IL1RAPL1: variants seen among roughly 807,000 people sequenced by gnomAD.
IL1RAPL1 encodes interleukin 1 receptor accessory protein like 1.
A neutral mutation model predicts 48.4 loss-of-function variants in IL1RAPL1; 3 were observed. That is an observed-to-expected ratio of 0.06 (90% confidence interval 0.03 to 0.16). The LOEUF is 0.16. Ranked by LOEUF, IL1RAPL1 falls within the 10% of genes least tolerant of loss-of-function variation. The pLI is 1.00. For synonymous variants in IL1RAPL1, 185 were observed against 187.7 expected (o/e 0.99, Z 0.12); for missense variants, 349 against 530.6 (o/e 0.66, Z 3.36).
chrX:29,122,674 A>T (rs1045576034), intron 2 of IL1RAPL1, among the ~76,000 whole-genome samples: 1 of 111,325 alleles, frequency 9.0e-6, no homozygotes, highest in Admixed American at 9.7e-5. Flanking sequence ...TAGCAGCGGA[A>T]GGATTAAAAT....
intron 1 of IL1RAPL1, among the ~76,000 whole-genome samples, chrX:28,658,140 T>C (rs775072324): frequency 1.8e-5 from 2 of 112,552 alleles, no homozygotes; most frequent in Non-Finnish European, 3.7e-5. Flanking sequence ...TAACACTTAA[T>C]AGATGCTCCA....
At chrX:28,623,783 G>T (rs1387707858) in intron 1 of IL1RAPL1, among the ~76,000 whole-genome samples, 1 of 111,006 alleles carries the variant, frequency 9.0e-6, no homozygotes, top group Non-Finnish European at 1.9e-5. Flanking sequence ...CTATTTCATT[G>T]TCATGGATTG....
At chrX:29,168,041 A>G (rs1929820600) in intron 2 of IL1RAPL1, among the ~76,000 whole-genome samples, 1 of 110,548 alleles carries the variant, frequency 9.0e-6, no homozygotes, top group African/African-American at 3.3e-5. Context: ...AAAGTTTTCT[A>G]CTTTTACATT....
chrX:29,634,399 C>T (rs1924898626), intron 5 of IL1RAPL1, among the ~76,000 whole-genome samples: 1 of 111,551 alleles, frequency 9.0e-6, no homozygotes, highest in Non-Finnish European at 1.9e-5. Flanking sequence ...GTCAAAGTGG[C>T]TCTGGACTAG....
intron 6 of IL1RAPL1, among the ~76,000 whole-genome samples, chrX:29,880,911 T>C (rs1293475602): frequency 8.9e-6 from 1 of 111,838 alleles, no homozygotes; most frequent in Non-Finnish European, 1.9e-5. Context: ...TTATGAATCA[T>C]GATCACAAAC....
chrX:29,743,628 G>T (rs753069798), intron 6 of IL1RAPL1, among the ~76,000 whole-genome samples: 16 of 111,127 alleles, frequency 1.4e-4, no homozygotes, highest in African/African-American at 5.2e-4. Flanking sequence ...GGGATTACAG[G>T]CACACACCAC....
At chrX:28,709,204 T>C (rs2146933988) in intron 1 of IL1RAPL1, among the ~76,000 whole-genome samples, 1 of 112,487 alleles carries the variant, frequency 8.9e-6, no homozygotes, top group African/African-American at 3.2e-5. Flanking sequence ...GTGAGGGTAA[T>C]TGATGATATC....
At chrX:29,655,999 A>G (rs1161631411) in intron 5 of IL1RAPL1, among the ~76,000 whole-genome samples, 1 of 112,462 alleles carries the variant, frequency 8.9e-6, no homozygotes, top group Admixed American at 9.4e-5. Flanking sequence ...AGCCAACAAC[A>G]CATCTACTTA....
At chrX:29,286,638 A>G (rs1932287237) in intron 3 of IL1RAPL1, among the ~76,000 whole-genome samples, 1 of 112,124 alleles carries the variant, frequency 8.9e-6, no homozygotes, top group South Asian at 3.7e-4. Context: ...GCAGTGAGCT[A>G]TGATCACACC....
chrX:29,947,053 T>C (rs925832102), intron 9 of IL1RAPL1, among the ~76,000 whole-genome samples: 6 of 112,000 alleles, frequency 5.4e-5, no homozygotes, highest in South Asian at 3.8e-4. Flanking sequence ...ATAGTTTAAG[T>C]GCTTGTAGTG....
intron 2 of IL1RAPL1, among the ~76,000 whole-genome samples, chrX:29,263,501 CTACAATA>C (rs1390374948): frequency 8.9e-6 from 1 of 111,966 alleles, no homozygotes; most frequent in Non-Finnish European, 1.9e-5. Flanking sequence ...TTGATTACTC[CTACAATA>C]TTTGCCTGCT....
intron 3 of IL1RAPL1, among the ~76,000 whole-genome samples, chrX:29,323,714 TA>T (rs1340462092): frequency 0.11 from 400 of 3,724 alleles, 58 homozygotes; most frequent in Non-Finnish European, 0.13. Context: ...CTGAATTTTT[TA>T]TATATATATA....
At chrX:29,636,725 ATAG>A (rs1267330599) in intron 5 of IL1RAPL1, among the ~76,000 whole-genome samples, 1 of 111,789 alleles carries the variant, frequency 8.9e-6, no homozygotes, top group Non-Finnish European at 1.9e-5. Flanking sequence ...TCTTTGTCAC[ATAG>A]TTTATAACAG....
intron 6 of IL1RAPL1, among the ~76,000 whole-genome samples, chrX:29,731,034 A>C (rs185872277): frequency 4.4e-4 from 49 of 112,437 alleles, no homozygotes; most frequent in African/African-American, 1.5e-3. Flanking sequence ...TTAATTTTCT[A>C]GGTCTCTTTT....
chrX:29,556,857 A>G (rs1330554617), intron 5 of IL1RAPL1, among the ~76,000 whole-genome samples: 1 of 111,735 alleles, frequency 8.9e-6, no homozygotes, highest in African/African-American at 3.3e-5. Flanking sequence ...AATTCAGTCT[A>G]TGTATCAGAA....
At chrX:29,854,563 G>C (rs1465072350) in intron 6 of IL1RAPL1, among the ~76,000 whole-genome samples, 1 of 111,499 alleles carries the variant, frequency 9.0e-6, no homozygotes, top group Non-Finnish European at 1.9e-5. Flanking sequence ...TCTGGTTCTG[G>C]AATCAGATGG....
chrX:28,705,871 T>A (rs1935369232), intron 1 of IL1RAPL1, among the ~76,000 whole-genome samples: 1 of 112,234 alleles, frequency 8.9e-6, no homozygotes, highest in Non-Finnish European at 1.9e-5. Flanking sequence ...GATAAATTAA[T>A]AAATGAAGTG....
chrX:29,406,984 T>C (rs1934080625), intron 5 of IL1RAPL1, among the ~76,000 whole-genome samples: 2 of 112,534 alleles, frequency 1.8e-5, no homozygotes, highest in Non-Finnish European at 3.8e-5. Context: ...CTGTGTAATA[T>C]GCTTTTATAT....
In IL1RAPL1 at chrX:29,724,916, A is replaced by G. The variant is rs189330775; in HGVS notation, c.778+56412A>G. Reference sequence around the variant, plus strand: ...TTGTTTTAAAGTATAAAAGAGTATTATTATTTTATTAAGGACACAGAGTGG... The same window carrying G: ...TTGTTTTAAAGTATAAAAGAGTATTGTTATTTTATTAAGGACACAGAGTGG... On this transcript the variant is annotated intron_variant, in intron 6 of 10. Coordinates refer to ENST00000378993, the MANE Select transcript of IL1RAPL1 (RefSeq NM_014271.4). Among the ~76,000 whole-genome samples the G allele has an allele frequency of 4.3e-3, 480 of 111,751 alleles. 5 individuals carry two copies. Among genetic ancestry groups the G allele is most frequent in the Admixed American group, 0.017 (173 of 10,476 alleles).
Sources: allele counts gnomAD v4.1 joint callset (sites outside exome capture counted in the v4.1 genomes callset), GRCh38; gene constraint gnomAD v4.1.1; transcripts MANE v1.5; gene names NCBI Gene and HGNC (gene_info 2026-07-23, HGNC 2026-07-21).